Variants in SETD5 observed in about 807,000 individuals in gnomAD.
SETD5 encodes histone-lysine N-methyltransferase SETD5.
SETD5 carries 44 observed loss-of-function variants against 153.3 expected under a neutral mutation model. That is an observed-to-expected ratio of 0.29 (90% CI 0.23 to 0.37). The LOEUF is 0.37. SETD5 is among the 10% of genes least tolerant of loss of function. SETD5 has a pLI of 1.00. For synonymous variants in SETD5, 716 were observed against 645.2 expected (o/e 1.11, Z -1.66); for missense variants, 1,544 against 1,768.0 (o/e 0.87, Z 2.27).
intron 1 of SETD5, among the ~76,000 whole-genome samples, chr3:9,422,508 T>C (rs1373923676): frequency 6.6e-6 from 1 of 152,222 alleles, no homozygotes; most frequent in Non-Finnish European, 1.5e-5. Flanking sequence ...CTTATGAGAA[T>C]GAGGAAAATA....
chr3:9,421,710 T>G (rs2038436208), intron 1 of SETD5, among the ~76,000 whole-genome samples: 1 of 152,204 alleles, frequency 6.6e-6, no homozygotes, highest in African/African-American at 2.4e-5. Context: ...TTTAAAAACT[T>G]ATTAGCTACT....
chr3:9,437,840 T>TA (rs2040772299), intron 7 of SETD5, among the ~76,000 whole-genome samples: 1 of 151,798 alleles, frequency 6.6e-6, no homozygotes, highest in Admixed American at 6.6e-5. Context: ...CCATCTCTAC[T>TA]AAAAATACCA....
At chr3:9,459,210 ATTGT>A (rs1315529630) in intron 17 of SETD5, among the ~76,000 whole-genome samples, 17 of 152,222 alleles carry the variant, frequency 1.1e-4, no homozygotes, top group African/African-American at 1.9e-4. Flanking sequence ...AGTTGAATGA[ATTGT>A]TTATTAGAAT....
intron 7 of SETD5, among the ~76,000 whole-genome samples, chr3:9,438,839 AACACTCAT>A (rs1207992617): frequency 6.6e-6 from 1 of 152,232 alleles, no homozygotes; most frequent in Non-Finnish European, 1.5e-5. Flanking sequence ...AGATGCCGGT[AACACTCAT>A]ACACTCAGTT....
chr3:9,476,298 A>G lies in SETD5; in HGVS notation c.*207A>G, dbSNP rs2045847847. The G allele has an allele frequency of 3.0e-6, 2 of 656,060 alleles. No individual in the cohort carries two copies. The highest frequency in any genetic ancestry group is 5.0e-6 in the Non-Finnish European group (2 of 397,438). The allele number at this position is 656,060 out of a possible 1,614,324, so 40.6% of individuals were successfully genotyped here. A position where few individuals can be genotyped will look rare whatever the true frequency, so the allele number is the denominator to read the frequency against. On this transcript the variant is annotated 3_prime_UTR_variant, in exon 23 of 23. Transcript: ENST00000402198. ...GTAAATCTTGTCTGAAGCAGAGACT[A>G]TAAAGAAGTTTCTCCCTGCTGTCAA... is the stretch of plus-strand genomic sequence containing the variant.
intron 17 of SETD5, among the ~76,000 whole-genome samples, chr3:9,455,150 G>A (rs2043072507): frequency 7.1e-6 from 1 of 140,906 alleles, no homozygotes. Flanking sequence ...AACGTGAATT[G>A]CCTTTTTTTC....
chr3:9,470,086 T>C (rs981011136), intron 18 of SETD5, among the ~76,000 whole-genome samples: 3 of 152,204 alleles, frequency 2.0e-5, no homozygotes, highest in African/African-American at 7.2e-5. Flanking sequence ...ATCTTTGTTT[T>C]GTGCATGGGG....
rs1195214821 is a variant in SETD5, at chr3:9,442,232, C to T, written c.1064C>T (p.Thr355Ile). 6.2e-7 allele frequency: 1 copy of T among 1,610,474 alleles called. No homozygotes were observed. Among genetic ancestry groups the T allele is most frequent in the Non-Finnish European group, 8.5e-7 (1 of 1,177,954 alleles). ...GCTCGGTTCATCAGAAGATCATGTA[C>T]ACCAAATGCAGAGGTAAGATATCTG... ...NDARFIRRSC[T>I]PNAEVRHMIA... is the part of the protein sequence containing the mutation. Residue 355 changes from threonine (T) to isoleucine (I), a missense_variant, in exon 10 of 23, where the codon ACA (threonine) becomes ATA (isoleucine). Thr to Ile is a moderately conservative substitution (Grantham distance 89). This residue lies in a region of SETD5 where 46 missense variants were observed against 111.8 expected (regional missense o/e 0.41). Coordinates refer to ENST00000402198, the MANE Select transcript of SETD5 (RefSeq NM_001080517.3).
intron 1 of SETD5, among the ~76,000 whole-genome samples, chr3:9,408,603 T>C (rs1360911664): frequency 6.7e-6 from 1 of 149,752 alleles, no homozygotes; most frequent in Non-Finnish European, 1.5e-5. Flanking sequence ...AACACATTCC[T>C]CTATTAAACA....
At chr3:9,454,806 T>G (rs1227334613) in intron 17 of SETD5, among the ~76,000 whole-genome samples, 1 of 152,132 alleles carries the variant, frequency 6.6e-6, no homozygotes, top group African/African-American at 2.4e-5. Flanking sequence ...GACAATCTTT[T>G]TACCAGTTTC....
At chr3:9,428,033 T>G (rs1011979700) in intron 2 of SETD5, among the ~76,000 whole-genome samples, 3 of 152,126 alleles carry the variant, frequency 2.0e-5, no homozygotes, top group African/African-American at 7.2e-5. Flanking sequence ...ATTTCGGGGG[T>G]TTTTTTGTTG....
intron 1 of SETD5, among the ~76,000 whole-genome samples, chr3:9,404,416 T>G (rs1300371398): frequency 6.6e-6 from 1 of 152,188 alleles, no homozygotes; most frequent in Non-Finnish European, 1.5e-5. Context: ...AAATTTTGAG[T>G]AATTAATTAT....
At chr3:9,399,506 T>C (rs929434151) in intron 1 of SETD5, among the ~76,000 whole-genome samples, 102 of 152,022 alleles carry the variant, frequency 6.7e-4, no homozygotes, top group African/African-American at 2.4e-3. Flanking sequence ...AATTCTGGCC[T>C]GTTATGGGAT....
chr3:9,450,682 A>G (rs1307386114), intron 16 of SETD5, among the ~76,000 whole-genome samples: 8 of 152,200 alleles, frequency 5.3e-5, no homozygotes, highest in Non-Finnish European at 1.0e-4. Flanking sequence ...AAAATCCCTC[A>G]GAGTATAAGT....
intron 18 of SETD5, chr3:9,468,640 G>A: frequency 7.8e-7 from 1 of 1,281,192 alleles, no homozygotes; most frequent in East Asian, 5.6e-5. Flanking sequence ...ATGTGTTCCT[G>A]AGTGTGTGGG....
chr3:9,404,734 T>G (rs2035389517), intron 1 of SETD5, among the ~76,000 whole-genome samples: 1 of 152,234 alleles, frequency 6.6e-6, no homozygotes, highest in African/African-American at 2.4e-5. Flanking sequence ...CCATTGCTCC[T>G]ATTACCTGGA....
chr3:9,448,501 A>G lies in SETD5; in HGVS notation c.2217A>G (p.Leu739=), dbSNP rs1297306698. 1 of 1,613,918 alleles carries G rather than the reference A, an allele frequency of 6.2e-7. No individual in the cohort carries two copies. The highest frequency in any genetic ancestry group is 8.5e-7 in the Non-Finnish European group (1 of 1,179,910). ...PTVLATTLNM[L]PGLIHSPLIC... ...TACTGGCAACGACCCTAAACATGTT[A>G]CCAGGTCTTATCCATTCCCCGTTAA... is the stretch of plus-strand genomic sequence containing the variant. Residue 739 remains leucine, a synonymous_variant, in exon 16 of 23, where the codon TTA becomes TTG. Transcript: ENST00000402198.
In SETD5 at chr3:9,443,427, CA is replaced by C; in HGVS notation, c.1187+11del. The C allele has an allele frequency of 1.5e-6, 2 of 1,326,984 alleles. No homozygotes were observed. Among genetic ancestry groups the C allele is most frequent in the South Asian group, 4.0e-5 (2 of 50,368 alleles). The allele number at this position is 1,326,984 out of a possible 1,614,324, so 82.2% of individuals were successfully genotyped here. ...ATGAGTATAGTAACTGGTAAGACCT[CA>C]GAAACCTTTCCTAACAGGAATATCC... On this transcript the variant is annotated intron_variant, in intron 11 of 22. Coordinates refer to ENST00000402198, the MANE Select transcript of SETD5 (RefSeq NM_001080517.3).
At chr3:9,405,151 GAT>G (rs1289902188) in intron 1 of SETD5, among the ~76,000 whole-genome samples, 1 of 152,074 alleles carries the variant, frequency 6.6e-6, no homozygotes, top group African/African-American at 2.4e-5. Flanking sequence ...TTTCTTTCTT[GAT>G]AAACCATTTC....
Sources: gnomAD v4.1 joint callset for allele counts (sites outside exome capture counted in the v4.1 genomes callset) on GRCh38, gnomAD v4.1.1 for gene constraint, gnomAD v4.1.1 regional missense constraint, MANE v1.5 for transcripts, NCBI Gene and HGNC (gene_info 2026-07-23, HGNC 2026-07-21) for gene names.